Variants in KIF13A observed in about 807,000 individuals in gnomAD.
KIF13A encodes kinesin-like protein KIF13A.
KIF13A carries 79 observed loss-of-function variants against 212.2 expected under a neutral mutation model. The ratio of observed to expected loss-of-function variants is 0.37; its 90% CI spans 0.31 to 0.45. The LOEUF (loss-of-function observed/expected upper bound fraction) is 0.45. KIF13A is among the 20% of genes least tolerant of loss of function. The probability of loss-of-function intolerance (pLI) is 1.00; values close to 1 mark genes in which losing one functional copy is unlikely to be tolerated. For missense variants in KIF13A, 1,901 were observed against 2,209.0 expected (o/e 0.86, Z 2.79); for synonymous variants, 789 against 808.6 (o/e 0.98, Z 0.41).
Position 17,794,633 on chromosome 6 carries a change from G to A in KIF13A, c.3014C>T (p.Ala1005Val), listed in dbSNP as rs1761877957. ...ILELNELGEY[A>V]AVELHQAKDV... ...TTTTGCCTGATGAAGTTCCACTGCAGCATACTCTCCTAACTCATTCAATTC... is the reference window on the plus strand; with the variant it reads ...TTTTGCCTGATGAAGTTCCACTGCAACATACTCTCCTAACTCATTCAATTC... The change falls in exon 24 of 39, where the codon GCT becomes GTT. Residue 1005 changes from alanine (A) to valine (V), a missense_variant. Physicochemically the swap from Ala to Val is moderately conservative, Grantham distance 64 (BLOSUM62 0). Around this residue, in one of 5 missense-constraint regions of KIF13A, gnomAD observed 168 missense variants for 250.9 expected, o/e 0.67. Transcript: ENST00000259711. This position sits in a 1 kb window ranked among gnomAD's most constrained non-coding sequence, Gnocchi z 4.1. 6.2e-7 allele frequency: 1 copy of A among 1,613,260 alleles called. No homozygotes were observed. The highest frequency in any genetic ancestry group is 8.5e-7 in the Non-Finnish European group (1 of 1,179,600).
chr6:17,789,779 C>A lies in KIF13A; in HGVS notation c.3261+93G>T. 2 of 949,574 alleles carry A rather than the reference C, an allele frequency of 2.1e-6. No individual in the cohort carries two copies. The highest frequency in any genetic ancestry group is 3.0e-5 in the South Asian group (2 of 66,666). The allele number at this position is 949,574 out of a possible 1,614,324, so 58.8% of individuals were successfully genotyped here. On this transcript the variant is annotated intron_variant, in intron 26 of 38. Coordinates refer to ENST00000259711, the MANE Select transcript of KIF13A (RefSeq NM_022113.6). This position sits in a 1 kb window ranked among gnomAD's most constrained non-coding sequence, Gnocchi z 4.8. ...AAAACTGCATATTCTCGCTCTAGGGCCCTCCTTCCTCCTCCCTGGCCTCTG... is the reference window on the plus strand; with the variant it reads ...AAAACTGCATATTCTCGCTCTAGGGACCTCCTTCCTCCTCCCTGGCCTCTG...
At chr6:17,859,642 T>A (rs372010866) in intron 4 of KIF13A, among the ~76,000 whole-genome samples, 22,841 of 122,206 alleles carry the variant, frequency 0.19, 2,585 homozygotes, top group South Asian at 0.29. Context: ...ATATATATTT[T>A]TTTTTTTTTT....
chr6:17,936,440 T>C lies in KIF13A; in HGVS notation c.147-38260A>G, dbSNP rs557832135. 1.9e-4 allele frequency: 30 copies of C among 158,896 alleles called. No homozygotes were observed. In the South Asian group the frequency reaches 4.7e-3, roughly 25 times the overall value. 9.8% of individuals were successfully genotyped at this position (158,896 alleles called of 1,614,324 possible). On this transcript the variant is annotated intron_variant, in intron 2 of 38. Transcript: ENST00000259711. ...ATTGCACCTGGCCCATTGCCACTAA[T>C]TTTAATAAGATCTCTCTTTCTGTCT...
At chr6:17,876,831 C>T (rs916927201) in intron 3 of KIF13A, among the ~76,000 whole-genome samples, 5 of 152,122 alleles carry the variant, frequency 3.3e-5, no homozygotes, top group Admixed American at 6.5e-5. Context: ...GATGGGACTT[C>T]GCCATGTTGC....
rs1308209179 is a variant in KIF13A, at chr6:17,816,616, C to G, written c.2000+404G>C. Among the ~76,000 whole-genome samples, 5 of 152,168 alleles carry G rather than the reference C, an allele frequency of 3.3e-5. No individual in the cohort carries two copies. Among genetic ancestry groups the G allele is most frequent in the Non-Finnish European group, 7.4e-5 (5 of 68,026 alleles). ...TACAGGTGTGAGCCACTGCACCCAG[C>G]TATAAATCTTAAACTTTCACATTTA... On this transcript the variant is annotated intron_variant, in intron 17 of 38. Transcript: ENST00000259711. This position sits in a 1 kb window ranked among gnomAD's most constrained non-coding sequence, Gnocchi z 4.3.
Position 17,838,879 on chromosome 6 carries a change from A to C in KIF13A, c.831-1296T>G, listed in dbSNP as rs1274193658. On this transcript the variant is annotated intron_variant, in intron 9 of 38. Transcript: ENST00000259711. The surrounding 1 kb of genome is among the most constrained non-coding windows in gnomAD (Gnocchi z 4.2). The stretch of plus-strand genomic sequence containing the variant: ...ACCCAGGCTGGAGTTCAGTGGCATG[A>C]TATGATTTTGGCTCAATGCAACCTC... Among the ~76,000 whole-genome samples the C allele has an allele frequency of 6.6e-6, 1 of 152,116 alleles. No homozygotes were observed. The highest frequency in any genetic ancestry group is 1.5e-5 in the Non-Finnish European group (1 of 68,004).
chr6:17,948,624 G>A (rs566627547), intron 2 of KIF13A, among the ~76,000 whole-genome samples: 22 of 136,472 alleles, frequency 1.6e-4, no homozygotes, highest in African/African-American at 5.3e-4. Flanking sequence ...CTGCAGCAGC[G>A]TGATCTCGGC....
intron 2 of KIF13A, among the ~76,000 whole-genome samples, chr6:17,969,428 G>A (rs1187401447): frequency 7.2e-5 from 11 of 152,172 alleles, no homozygotes. Context: ...TGGATATAAA[G>A]TTACTAGGCT....
At chr6:17,874,512 C>T (rs923978804) in intron 3 of KIF13A, among the ~76,000 whole-genome samples, 7 of 151,922 alleles carry the variant, frequency 4.6e-5, no homozygotes, top group Admixed American at 2.6e-4. Flanking sequence ...CTCGGCTCAC[C>T]GCAACCTCTG....
intron 17 of KIF13A, among the ~76,000 whole-genome samples, chr6:17,810,866 A>T (rs1351906883): frequency 1.3e-5 from 2 of 152,170 alleles, no homozygotes; most frequent in Non-Finnish European, 2.9e-5. Context: ...AATGCAAGTG[A>T]TGGGGAGCAG....
Position 17,961,211 on chromosome 6 carries a change from G to A in KIF13A, c.146+25843C>T, listed in dbSNP as rs1425654150. Among the ~76,000 whole-genome samples, 1 of 152,216 alleles carries A rather than the reference G, an allele frequency of 6.6e-6. No individual in the cohort carries two copies. Among genetic ancestry groups the A allele is most frequent in the Non-Finnish European group, 1.5e-5 (1 of 68,046 alleles). The stretch of plus-strand genomic sequence containing the variant: ...TTCAAACTGGAGAAAATACGGAAGT[G>A]GAAACTGGGATGTGCAGCTTAATGA... On this transcript the variant is annotated intron_variant, in intron 2 of 38. Coordinates refer to ENST00000259711, the MANE Select transcript of KIF13A (RefSeq NM_022113.6). The surrounding 1 kb of genome is among the most constrained non-coding windows in gnomAD (Gnocchi z 4.1).
chr6:17,955,975 T>A (rs1275431633), intron 2 of KIF13A, among the ~76,000 whole-genome samples: 1 of 152,202 alleles, frequency 6.6e-6, no homozygotes, highest in Admixed American at 6.5e-5. Context: ...AAGACTGCCA[T>A]ATTTTCCAGA....
chr6:17,779,742 A>ATTTTTTTTTTTT, intron 31 of KIF13A, 58 bp from the exon 32 acceptor site: 1 of 461,384 alleles, frequency 2.2e-6, no homozygotes, highest in Non-Finnish European at 3.7e-6. Flanking sequence ...GTTATTTTGT[A>ATTTTTTTTTTTT]TTTTTTTTTT....
At chr6:17,960,457 CTCTT>C (rs1778716140) in intron 2 of KIF13A, among the ~76,000 whole-genome samples, 1 of 152,186 alleles carries the variant, frequency 6.6e-6, no homozygotes, top group Non-Finnish European at 1.5e-5. Context: ...AAATAGGTAT[CTCTT>C]TCTATGTATT....
At position 17,804,418 on chromosome 6, in the gene KIF13A, G is replaced by A; in HGVS notation, c.2397C>T (p.Cys799=). Residue 799 remains cysteine, a synonymous_variant, in exon 20 of 39, where the codon TGC becomes TGT. Transcript: ENST00000259711. ...LIGVANVFLE[C]LFCDVKLQYA... is the part of the protein sequence containing the mutation. ...ACTGAAGTTTCACATCACAGAAGAG[G>A]CATTCCAAGAATACATTCGCCACCC... 1 of 1,561,908 alleles carries A rather than the reference G, an allele frequency of 6.4e-7. No homozygotes were observed. Among genetic ancestry groups the A allele is most frequent in the South Asian group, 1.2e-5 (1 of 84,644 alleles).
At chr6:17,907,198 A>C (rs1178992427) in intron 2 of KIF13A, among the ~76,000 whole-genome samples, 3 of 152,190 alleles carry the variant, frequency 2.0e-5, no homozygotes, top group Non-Finnish European at 2.9e-5. Context: ...ATCATTTTTC[A>C]AATAAAAAAT....
intron 2 of KIF13A, among the ~76,000 whole-genome samples, chr6:17,981,430 T>C (rs1302843601): frequency 1.3e-5 from 2 of 148,172 alleles, no homozygotes; most frequent in Admixed American, 1.3e-4. Flanking sequence ...TTTTTTCTTT[T>C]TTTTTTTTTT....
intron 12 of KIF13A, 103 bp downstream of exon 12, chr6:17,833,855 CAAA>C (rs11358140): frequency 0.012 from 4,481 of 361,712 alleles, no homozygotes; most frequent in Middle Eastern, 0.02. Context: ...GACTCCGTCT[CAAA>C]AAAAAAAAAA....
rs1205211771 is a variant in KIF13A at position 17,829,776 on chromosome 6, A to G, written c.1401+1325T>C. ...ATCTTAAGTTTGTTGGGGGACTCTCAATAACTCAGGGGCTATTTGTACCAA... is the reference window on the plus strand; with the variant it reads ...ATCTTAAGTTTGTTGGGGGACTCTCGATAACTCAGGGGCTATTTGTACCAA... On this transcript the variant is annotated intron_variant, in intron 13 of 38. Transcript: ENST00000259711. This position sits in a 1 kb window ranked among gnomAD's most constrained non-coding sequence, Gnocchi z 5.4. 1.3e-5 allele frequency among the ~76,000 whole-genome samples: 2 copies of G among 152,166 alleles called. No homozygotes were observed. Among genetic ancestry groups the G allele is most frequent in the Non-Finnish European group, 2.9e-5 (2 of 68,016 alleles).
Sources: gnomAD v4.1 joint callset for allele counts (sites outside exome capture counted in the v4.1 genomes callset) on GRCh38, gnomAD v4.1.1 for gene constraint, gnomAD v4.1.1 regional missense constraint, Gnocchi (gnomAD v3.1) non-coding constraint, MANE v1.5 for transcripts, NCBI Gene and HGNC (gene_info 2026-07-23, HGNC 2026-07-21) for gene names.